Variants in MGA observed in about 807,000 individuals in gnomAD.
MGA encodes the protein MAX gene-associated protein.
MGA carries 40 observed loss-of-function variants against 261.1 expected under a neutral mutation model. The observed-to-expected ratio is 0.15, with a 90% CI of 0.12 to 0.20. The LOEUF (loss-of-function observed/expected upper bound fraction) is 0.20, where lower values mean the gene tolerates loss of function less well. Among genes scored for constraint, MGA ranks in the 10% least tolerant of loss-of-function variants. MGA has a pLI of 1.00. For missense variants in MGA, 3,397 were observed against 3,630.5 expected (o/e 0.94, Z 1.65); for synonymous variants, 1,302 against 1,290.6 (o/e 1.01, Z -0.19).
At position 41,754,474 on chromosome 15, in the gene MGA, A is replaced by G; in HGVS notation, c.7046A>G (p.His2349Arg). The G allele has an allele frequency of 1.3e-6, 2 of 1,560,496 alleles. No homozygotes were observed. The highest frequency in any genetic ancestry group is 1.2e-5 in the South Asian group (1 of 84,678). Residue 2349 changes from histidine to arginine, a missense_variant, in exon 18 of 24, where the codon CAC (histidine) becomes CGC (arginine). By Grantham distance (29) the His-to-Arg change is conservative. This residue lies in a region of MGA where 1,410 missense variants were observed against 1,386.4 expected (regional missense o/e 1.02). Coordinates refer to ENST00000219905, the MANE Select transcript of MGA (RefSeq NM_001164273.2). ...GAATACATTGAGGATGATGAGGAGC[A>G]CGTGGACATTGAGACTGTAGAAGAG...
At chr15:41,715,131 T>G (rs1259835938) in intron 9 of MGA, among the ~76,000 whole-genome samples, 2 of 146,554 alleles carry the variant, frequency 1.4e-5, no homozygotes, top group South Asian at 2.2e-4. Context: ...TTTTTATGGT[T>G]TCTGTCTTTT....
In MGA at chr15:41,762,191, G is replaced by C; in HGVS notation, c.7573G>C (p.Glu2525Gln). The C allele has an allele frequency of 6.2e-7, 1 of 1,613,906 alleles. No homozygotes were observed. Among genetic ancestry groups the C allele is most frequent in the South Asian group, 1.1e-5 (1 of 91,082 alleles). The change falls in exon 22 of 24, where the codon GAG becomes CAG. Residue 2525 changes from glutamate to glutamine, a missense_variant. Glu to Gln is a conservative substitution (Grantham distance 29, BLOSUM62 2). Coordinates refer to ENST00000219905, the MANE Select transcript of MGA (RefSeq NM_001164273.2). ...TATTTATGCAAAACAGCAAGCACTAGAGGCACAAAAAAGAAAAAAGAAGAT... is the reference window on the plus strand; with the variant it reads ...TATTTATGCAAAACAGCAAGCACTACAGGCACAAAAAAGAAAAAAGAAGAT...
chr15:41,672,949 T>C (rs1463447914), intron 2 of MGA, among the ~76,000 whole-genome samples: 1 of 152,202 alleles, frequency 6.6e-6, no homozygotes, highest in Non-Finnish European at 1.5e-5. Context: ...TTCTTTGTTT[T>C]AGCTAATGTT....
At position 41,696,120 on chromosome 15, in the gene MGA, G is replaced by A. The variant is rs768652894; in HGVS notation, c.1110G>A (p.Pro370=). ...AAGATGACTCCCGTGTAGCCTCACC[G>A]TTAGACCAGAACGGAAGCTTCAATG... Residue 370 remains proline, a synonymous_variant, in exon 3 of 24, where the codon CCG becomes CCA. Transcript: ENST00000219905. The A allele has an allele frequency of 5.6e-6, 9 of 1,613,538 alleles. No individual in the cohort carries two copies. The highest frequency in any genetic ancestry group is 2.2e-5 in the East Asian group (1 of 44,870).
intron 2 of MGA, among the ~76,000 whole-genome samples, chr15:41,688,110 C>G (rs2059061810): frequency 6.6e-6 from 1 of 152,208 alleles, no homozygotes; most frequent in African/African-American, 2.4e-5. Context: ...GAACCTCGCT[C>G]TGTCACTGAG....
At chr15:41,764,314 C>T (rs1282980108) in intron 22 of MGA, among the ~76,000 whole-genome samples, 2 of 139,226 alleles carry the variant, frequency 1.4e-5, no homozygotes, top group African/African-American at 2.8e-5. Context: ...AGTGCGGTGG[C>T]GCAATCTAGG....
intron 1 of MGA, among the ~76,000 whole-genome samples, chr15:41,645,361 C>T (rs1051147609): frequency 6.6e-5 from 10 of 152,176 alleles, no homozygotes; most frequent in East Asian, 1.9e-4. Flanking sequence ...AGGCTGAGAC[C>T]GGCAGATCAC....
rs762684360 is a variant in MGA at position 41,668,973 on chromosome 15, A to G, written c.79A>G (p.Ile27Val). 5 of 1,612,712 alleles carry G rather than the reference A, an allele frequency of 3.1e-6. No homozygotes were observed. The highest frequency in any genetic ancestry group is 4.2e-6 in the Non-Finnish European group (5 of 1,179,004). ...AGGAGCAGCACCTACCTTCTTTGTC[A>G]TCTTAAAGCAGCCAGGAAATGGCAA... The change falls in exon 2 of 24, where the codon ATC becomes GTC. Residue 27 changes from isoleucine (I) to valine (V), a missense_variant. Ile to Val is a conservative substitution (Grantham distance 29, BLOSUM62 3). Around this residue, in one of 9 missense-constraint regions of MGA, gnomAD observed 81 missense variants for 84.3 expected, o/e 0.96. Transcript: ENST00000219905.
intron 1 of MGA, among the ~76,000 whole-genome samples, chr15:41,641,439 A>G (rs2056816667): frequency 6.9e-6 from 1 of 145,876 alleles, no homozygotes; most frequent in Admixed American, 6.9e-5. Context: ...ACTATTTTAT[A>G]TTTTCACCAA....
intron 2 of MGA, among the ~76,000 whole-genome samples, chr15:41,679,020 C>T (rs2058528922): frequency 6.6e-6 from 1 of 152,058 alleles, no homozygotes; most frequent in South Asian, 2.1e-4. Context: ...TTTAAAGCCC[C>T]TTGAGATTCC....
chr15:41,740,207 A>G lies in MGA; in HGVS notation c.4585+4A>G. The stretch of plus-strand genomic sequence containing the variant: ...GTCCCAGCAAAACGGCCAATTGGTA[A>G]GTTGGGGTGTATGTATGGTTTGGAA... On this transcript the variant is annotated splice_donor_region_variant and intron_variant, in intron 14 of 23. Coordinates refer to ENST00000219905, the MANE Select transcript of MGA (RefSeq NM_001164273.2). 3 of 1,613,504 alleles carry G rather than the reference A, an allele frequency of 1.9e-6. No individual in the cohort carries two copies. Among genetic ancestry groups the G allele is most frequent in the Non-Finnish European group, 2.5e-6 (3 of 1,179,612 alleles).
chr15:41,729,030 C>A, intron 10 of MGA, 134 bp from the exon 11 acceptor site: 1 of 846,178 alleles, frequency 1.2e-6, no homozygotes, highest in Non-Finnish European at 1.8e-6. Flanking sequence ...TGTACTTGTG[C>A]TGTTTGATTT....
intron 11 of MGA, among the ~76,000 whole-genome samples, chr15:41,732,150 CTTTTTTT>C (rs934455098): frequency 7.1e-6 from 1 of 141,066 alleles, no homozygotes; most frequent in South Asian, 2.2e-4. Flanking sequence ...TTTTGTTATC[CTTTTTTT>C]TTTTTTTTGG....
chr15:41,702,963 T>A (rs962149476), intron 5 of MGA, among the ~76,000 whole-genome samples: 2 of 152,206 alleles, frequency 1.3e-5, no homozygotes, highest in African/African-American at 4.8e-5. Context: ...TTCCTAATTC[T>A]CTCAGTATCC....
chr15:41,762,530 G>A (rs2063539962), intron 22 of MGA, among the ~76,000 whole-genome samples, 168 bp downstream of exon 22: 1 of 116,468 alleles, frequency 8.6e-6, no homozygotes, highest in South Asian at 3.0e-4. Flanking sequence ...TTGCAGTGAT[G>A]TGATCTCAGC....
intron 9 of MGA, among the ~76,000 whole-genome samples, chr15:41,721,528 G>T (rs1293875444): frequency 6.6e-6 from 1 of 152,116 alleles, no homozygotes; most frequent in Non-Finnish European, 1.5e-5. Context: ...ATATATAAAG[G>T]TGTCTACAAA....
chr15:41,640,916 G>T (rs1402302136), intron 1 of MGA, among the ~76,000 whole-genome samples: 1 of 152,126 alleles, frequency 6.6e-6, no homozygotes, highest in Non-Finnish European at 1.5e-5. Context: ...TCATAGTAAT[G>T]CATCCATCAC....
chr15:41,652,177 G>A (rs1353226817), intron 1 of MGA, among the ~76,000 whole-genome samples: 1 of 148,756 alleles, frequency 6.7e-6, no homozygotes, highest in Non-Finnish European at 1.5e-5. Context: ...GGTTTCATGT[G>A]TTAGCCAGGA....
chr15:41,625,559 C>A (rs2056429580), intron 1 of MGA, among the ~76,000 whole-genome samples: 1 of 150,666 alleles, frequency 6.6e-6, no homozygotes, highest in South Asian at 2.1e-4. Context: ...ACGAGAAATA[C>A]AAAAATCAGC....
Sources: gnomAD v4.1 joint callset for allele counts (sites outside exome capture counted in the v4.1 genomes callset) on GRCh38, gnomAD v4.1.1 for gene constraint, gnomAD v4.1.1 regional missense constraint, MANE v1.5 for transcripts, NCBI Gene and HGNC (gene_info 2026-07-23, HGNC 2026-07-21) for gene names.